CHST12: variants seen among roughly 807,000 people sequenced by gnomAD.
CHST12 encodes the protein carbohydrate (chondroitin 4) sulfotransferase 12.
CHST12 carries 23 observed loss-of-function variants against 27.9 expected under a neutral mutation model. The observed-to-expected ratio is 0.82, with a 90% CI of 0.59 to 1.17. CHST12 has a LOEUF of 1.17. Ranked by LOEUF, CHST12 falls within the 50% of genes most tolerant of loss-of-function variation. CHST12 has a pLI of 0.00. For synonymous variants in CHST12, 322 were observed against 273.0 expected (o/e 1.18, Z -1.77); for missense variants, 682 against 603.0 (o/e 1.13, Z -1.37).
In CHST12 at chr7:2,421,350, A is replaced by G. The variant is rs370315578; in HGVS notation, c.-77-11213A>G. 4.7e-4 allele frequency among the ~76,000 whole-genome samples: 71 copies of G among 149,792 alleles called. No homozygotes were observed. In the East Asian group the frequency reaches 0.013, roughly 26 times the overall value. ...AGCCTCAAACTCTTGGGCTCAAGCA[A>G]TCCTCTCACCTCAGCCTCCTAAGTA... is the stretch of plus-strand genomic sequence containing the variant. On this transcript the variant is annotated intron_variant, in intron 1 of 1. Coordinates refer to ENST00000618655, the MANE Select transcript of CHST12 (RefSeq NM_018641.5).
rs770914148 is a variant in CHST12 at position 2,432,930 on chromosome 7, GGAGGAGAGCGTGA to G, written c.296_308del (p.Glu99AlafsTer52). 6.2e-7 allele frequency: 1 copy of G among 1,612,834 alleles called. No homozygotes were observed. Among genetic ancestry groups the G allele is most frequent in the Non-Finnish European group, 8.5e-7 (1 of 1,179,706 alleles). The stretch of plus-strand genomic sequence containing the variant: ...AGCAGCCGCCTGCGCCGGGGAGCAT[GGAGGAGAGCGTGA>G]GAGGCTACGACTGGTCCCCGCGCGA... On this transcript the variant is annotated frameshift_variant, in exon 2 of 2. Coordinates refer to ENST00000618655, the MANE Select transcript of CHST12 (RefSeq NM_018641.5). LOFTEE classifies it high-confidence loss of function.
chr7:2,434,282 T>C lies in CHST12; in HGVS notation c.*398T>C, dbSNP rs1295334904. Reference sequence around the variant, plus strand: ...CCGCACCTGTCTGTTTTTGGAAGGGTAGCCGACAAATCCTTCCAGAGGGAA... The same window carrying C: ...CCGCACCTGTCTGTTTTTGGAAGGGCAGCCGACAAATCCTTCCAGAGGGAA... On this transcript the variant is annotated 3_prime_UTR_variant, in exon 2 of 2. Coordinates refer to ENST00000618655, the MANE Select transcript of CHST12 (RefSeq NM_018641.5). The C allele has an allele frequency of 5.6e-6, 1 of 177,764 alleles. No individual in the cohort carries two copies. The highest frequency in any genetic ancestry group is 5.9e-5 in the Admixed American group (1 of 16,858). The allele number at this position is 177,764 out of a possible 1,614,324, so 11.0% of individuals were successfully genotyped here. A position where few individuals can be genotyped will look rare whatever the true frequency, so the allele number is the denominator to read the frequency against.
Position 2,447,427 on chromosome 7 carries a change from C to T in CHST12, c.*13543C>T, listed in dbSNP as rs1782782914. On this transcript the variant is annotated 3_prime_UTR_variant, in exon 2 of 2. Transcript: ENST00000618655. The stretch of plus-strand genomic sequence containing the variant: ...TTCCCATACCCCCTCAAAGGTACTT[C>T]TTGCTGTGGTCCCCACACTCTGACA... The T allele has an allele frequency of 1.3e-5, 2 of 152,300 alleles. No individual in the cohort carries two copies. The highest frequency in any genetic ancestry group is 6.5e-5 in the Admixed American group (1 of 15,282). The allele number at this position is 152,300 out of a possible 1,614,324, so 9.4% of individuals were successfully genotyped here. A position where few individuals can be genotyped will look rare whatever the true frequency, so the allele number is the denominator to read the frequency against.
In CHST12 at chr7:2,441,919, A is replaced by C. The variant is rs1439629424; in HGVS notation, c.*8035A>C. ...AAAATGTGCCCTCTTCCCCATTTTTAAGTGAACAGTTCAGTGGCATTAAGC... is the reference window on the plus strand; with the variant it reads ...AAAATGTGCCCTCTTCCCCATTTTTCAGTGAACAGTTCAGTGGCATTAAGC... On this transcript the variant is annotated 3_prime_UTR_variant, in exon 2 of 2. Transcript: ENST00000618655. 1 of 152,132 alleles carries C rather than the reference A, an allele frequency of 6.6e-6. No individual in the cohort carries two copies. Among genetic ancestry groups the C allele is most frequent in the African/African-American group, 2.4e-5 (1 of 41,422 alleles). The allele number at this position is 152,132 out of a possible 1,614,324, so 9.4% of individuals were successfully genotyped here. A position where few individuals can be genotyped will look rare whatever the true frequency, so the allele number is the denominator to read the frequency against.
intron 1 of CHST12, among the ~76,000 whole-genome samples, chr7:2,410,206 G>A (rs1781632445): frequency 6.6e-6 from 1 of 152,186 alleles, no homozygotes; most frequent in African/African-American, 2.4e-5. Context: ...GAGTTTGTCT[G>A]GTTTTTGTTA....
intron 1 of CHST12, among the ~76,000 whole-genome samples, chr7:2,421,575 T>A (rs1042888591): frequency 6.6e-6 from 1 of 152,028 alleles, no homozygotes; most frequent in Non-Finnish European, 1.5e-5. Flanking sequence ...AAACTGGGAT[T>A]ACAAGTGTAC....
chr7:2,408,421 G>T (rs1023720268), intron 1 of CHST12, among the ~76,000 whole-genome samples: 3 of 149,300 alleles, frequency 2.0e-5, no homozygotes, highest in Admixed American at 2.0e-4. Context: ...AGGACATACT[G>T]TTGTGAAATC....
chr7:2,418,075 A>C (rs1421676598), intron 1 of CHST12, among the ~76,000 whole-genome samples: 2 of 152,234 alleles, frequency 1.3e-5, no homozygotes, highest in Non-Finnish European at 2.9e-5. Context: ...TGTCTGTGCT[A>C]GCTGCCTTTT....
At chr7:2,416,209 A>G (rs1322430027) in intron 1 of CHST12, among the ~76,000 whole-genome samples, 1 of 152,206 alleles carries the variant, frequency 6.6e-6, no homozygotes, top group African/African-American at 2.4e-5. Flanking sequence ...TCATCTGTTC[A>G]GCTTTGAACA....
intron 1 of CHST12, among the ~76,000 whole-genome samples, chr7:2,419,280 A>G (rs1781898522): frequency 6.7e-6 from 1 of 150,108 alleles, no homozygotes; most frequent in Non-Finnish European, 1.5e-5. Context: ...GTGGTGGTGC[A>G]CACCTGTAAC....
intron 1 of CHST12, among the ~76,000 whole-genome samples, chr7:2,429,216 T>C (rs1423565245): frequency 6.6e-6 from 1 of 152,218 alleles, no homozygotes; most frequent in Non-Finnish European, 1.5e-5. Flanking sequence ...CAGGAGCATT[T>C]CATCTTTTAT....
intron 1 of CHST12, among the ~76,000 whole-genome samples, chr7:2,419,109 C>T (rs980766468): frequency 2.0e-5 from 3 of 152,140 alleles, no homozygotes; most frequent in African/African-American, 7.2e-5. Context: ...TCCAAACCGC[C>T]TTTTAAAATT....
At chr7:2,407,193 T>C (rs917354603) in intron 1 of CHST12, among the ~76,000 whole-genome samples, 12 of 152,086 alleles carry the variant, frequency 7.9e-5, no homozygotes, top group African/African-American at 2.9e-4. Context: ...AGCAGCTGAA[T>C]AGTAAGAGCT....
In CHST12 at chr7:2,447,414, C is replaced by G. The variant is rs1299791554; in HGVS notation, c.*13530C>G. The G allele has an allele frequency of 6.6e-6, 1 of 152,282 alleles. No individual in the cohort carries two copies. The highest frequency in any genetic ancestry group is 1.5e-5 in the Non-Finnish European group (1 of 68,094). The allele number at this position is 152,282 out of a possible 1,614,324, so 9.4% of individuals were successfully genotyped here. On this transcript the variant is annotated 3_prime_UTR_variant, in exon 2 of 2. Transcript: ENST00000618655. ...GGTCAGAGGTCATTTCCCATACCCC[C>G]TCAAAGGTACTTCTTGCTGTGGTCC...
rs1362927655 is a variant in CHST12, at chr7:2,443,508, C to G, written c.*9624C>G. On this transcript the variant is annotated 3_prime_UTR_variant, in exon 2 of 2. Transcript: ENST00000618655. ...GCCAAAAAGGTTGGGGACCGCGGCTCTGGAGTATATGCCTAGGAGTAGGAG... is the reference window on the plus strand; with the variant it reads ...GCCAAAAAGGTTGGGGACCGCGGCTGTGGAGTATATGCCTAGGAGTAGGAG... The G allele has an allele frequency of 1.3e-5, 2 of 152,196 alleles. No individual in the cohort carries two copies. Among genetic ancestry groups the G allele is most frequent in the African/African-American group, 2.4e-5 (1 of 41,414 alleles). The allele number at this position is 152,196 out of a possible 1,614,324, so 9.4% of individuals were successfully genotyped here. A position where few individuals can be genotyped will look rare whatever the true frequency, so the allele number is the denominator to read the frequency against.
chr7:2,435,542 G>A lies in CHST12; in HGVS notation c.*1658G>A, dbSNP rs1583230397. On this transcript the variant is annotated 3_prime_UTR_variant, in exon 2 of 2. Transcript: ENST00000618655. ...TTGCTATTTCTGCTTCTAAGCTGTA[G>A]TTGGAGAGATGGTTGCAATCATTTC... The A allele has an allele frequency of 6.6e-6, 1 of 152,288 alleles. No individual in the cohort carries two copies. Among genetic ancestry groups the A allele is most frequent in the African/African-American group, 2.4e-5 (1 of 41,470 alleles). The allele number at this position is 152,288 out of a possible 1,614,324, so 9.4% of individuals were successfully genotyped here. A position where few individuals can be genotyped will look rare whatever the true frequency, so the allele number is the denominator to read the frequency against.
intron 1 of CHST12, among the ~76,000 whole-genome samples, chr7:2,425,858 G>A (rs1195748082): frequency 4.6e-5 from 7 of 151,712 alleles, no homozygotes; most frequent in East Asian, 1.9e-4. Context: ...TTTACTTCTC[G>A]TCTTTCCAGG....
rs778735139 is a variant in CHST12, at chr7:2,432,783, G to A, written c.144G>A (p.Pro48=). 12 of 1,613,336 alleles carry A rather than the reference G, an allele frequency of 7.4e-6. No individual in the cohort carries two copies. The highest frequency in any genetic ancestry group is 4.0e-5 in the African/African-American group (3 of 74,848). Residue 48 remains proline (P), a synonymous_variant, in exon 2 of 2, where the codon CCG becomes CCA. Transcript: ENST00000618655. ...TCTCTAGGCCGCACACGGGGCCGCC[G>A]CTGCCCACGCCCGGGCCGGACAGGG... The part of the protein sequence containing the change: ...TSFSRPHTGP[P]LPTPGPDRDR...
At chr7:2,422,676 C>T (rs764474928) in intron 1 of CHST12, among the ~76,000 whole-genome samples, 1 of 152,090 alleles carries the variant, frequency 6.6e-6, no homozygotes, top group African/African-American at 2.4e-5. Context: ...GCTGGGACTA[C>T]AGGCACACAC....
Sources: allele counts gnomAD v4.1 joint callset (sites outside exome capture counted in the v4.1 genomes callset), GRCh38; gene constraint gnomAD v4.1.1; transcripts MANE v1.5; gene names NCBI Gene and HGNC (gene_info 2026-07-23, HGNC 2026-07-21).